Variants in CPT1A observed in about 807,000 individuals in gnomAD.
CPT1A encodes the protein carnitine palmitoyltransferase 1A.
In CPT1A, 64 loss-of-function variants were observed where a neutral mutation model predicts 100.8. That is an observed-to-expected ratio of 0.63 (90% CI 0.52 to 0.78). The LOEUF (loss-of-function observed/expected upper bound fraction) is 0.78. Ranked by LOEUF, CPT1A falls within the 30% of genes least tolerant of loss-of-function variation. CPT1A has a pLI of 0.00. For synonymous variants in CPT1A, 363 were observed against 396.0 expected, an observed-to-expected ratio of 0.92 and a Z score of 0.99; for missense variants, 802 against 1,034.1, an observed-to-expected ratio of 0.78 and a Z score of 3.08.
chr11:68,843,635 A>G (rs1463223752), upstream of CPT1A, among the ~76,000 whole-genome samples: 1 of 152,110 alleles, frequency 6.6e-6, no homozygotes, highest in African/African-American at 2.4e-5. The surrounding 1 kb of genome is among the most constrained non-coding windows in gnomAD (Gnocchi z 4.0). Flanking sequence ...AGAATCTCTC[A>G]TCTCTCCTTT....
chr11:68,760,878 A>G (rs1210772579), intron 16 of CPT1A, among the ~76,000 whole-genome samples: 1 of 151,792 alleles, frequency 6.6e-6, no homozygotes, highest in African/African-American at 2.4e-5. Context: ...AAAATTAGCC[A>G]GGCATGGCAG....
At chr11:68,780,148 A>G (rs1855265435) in intron 12 of CPT1A, among the ~76,000 whole-genome samples, 2 of 152,194 alleles carry the variant, frequency 1.3e-5, no homozygotes, top group Non-Finnish European at 2.9e-5. Flanking sequence ...GACCTAAGTT[A>G]TGGGAAAGGA....
At chr11:68,830,045 G>A (rs1039639099) in intron 1 of CPT1A, among the ~76,000 whole-genome samples, 1 of 152,168 alleles carries the variant, frequency 6.6e-6, no homozygotes, top group Admixed American at 6.5e-5. Flanking sequence ...GGGAGGGCAA[G>A]ATGGGAAGAT....
rs1946778016 is a variant in CPT1A at position 68,760,229 on chromosome 11, C to A, written c.2138G>T (p.Gly713Val). ...GCCCAGCCCCGCCGCACTCACCGGT[C>A]CAAAGCCCCCTCCGCTGGACACGTA... is the stretch of plus-strand genomic sequence containing the variant. ...PEYVSSGGGF[G>V]PVADDGYGVS... is the part of the protein sequence containing the mutation. The change falls in exon 17 of 19, where the codon GGA becomes GTA. Residue 713 changes from glycine (G) to valine (V), a missense_variant. Gly to Val is a moderately radical substitution (Grantham distance 109). Around this residue, in one of 4 missense-constraint regions of CPT1A, gnomAD observed 627 missense variants for 799.3 expected, o/e 0.78. Transcript: ENST00000265641. 2 of 1,607,798 alleles carry A rather than the reference C, an allele frequency of 1.2e-6. No homozygotes were observed. Among genetic ancestry groups the A allele is most frequent in the Non-Finnish European group, 1.7e-6 (2 of 1,177,490 alleles).
chr11:68,816,755 C>CGTGTGTGTGTGT lies in CPT1A; in HGVS notation c.-13-1280_-13-1269dup, dbSNP rs5792452. Among the ~76,000 whole-genome samples, 96 of 145,214 alleles carry CGTGTGTGTGTGT rather than the reference C, an allele frequency of 6.6e-4. 1 individual carries two copies. The highest frequency in any genetic ancestry group is 2.3e-3 in the African/African-American group (92 of 39,826). ...GGACCATAATAAAAATCCAAAAACT[C>CGTGTGTGTGTGT]GTGTGTGTGTGTGTGTGTGTGTGTG... On this transcript the variant is annotated intron_variant, in intron 1 of 18. Coordinates refer to ENST00000265641, the MANE Select transcript of CPT1A (RefSeq NM_001876.4).
chr11:68,838,697 C>T (rs1201720621), intron 1 of CPT1A, among the ~76,000 whole-genome samples: 1 of 152,086 alleles, frequency 6.6e-6, no homozygotes, highest in African/African-American at 2.4e-5. Context: ...CCTCAGCCTC[C>T]TGAGTAGCTG....
At chr11:68,771,147 A>T (rs575726887) in intron 14 of CPT1A, among the ~76,000 whole-genome samples, 2 of 152,362 alleles carry the variant, frequency 1.3e-5, no homozygotes, top group Admixed American at 1.3e-4. Context: ...TGGAGTCACA[A>T]GGGTGGCTCC....
intron 12 of CPT1A, among the ~76,000 whole-genome samples, chr11:68,779,309 A>T (rs2153997592): frequency 6.6e-6 from 1 of 152,200 alleles, no homozygotes; most frequent in Admixed American, 6.5e-5. Flanking sequence ...TAAAAGAAAA[A>T]GATCTCAAGT....
At chr11:68,826,448 A>T (rs1283064776) in intron 1 of CPT1A, among the ~76,000 whole-genome samples, 2 of 147,564 alleles carry the variant, frequency 1.4e-5, no homozygotes, top group Non-Finnish European at 3.0e-5. Context: ...TCTCAAAAAA[A>T]AAAAGGTCAG....
rs1203527994 is a variant in CPT1A at position 68,834,539 on chromosome 11, C to T, written c.-14+7236G>A. 3.3e-5 allele frequency among the ~76,000 whole-genome samples: 5 copies of T among 152,116 alleles called. No homozygotes were observed. In the South Asian group the frequency reaches 8.3e-4, roughly 25 times the overall value. On this transcript the variant is annotated intron_variant, in intron 1 of 18. Transcript: ENST00000265641. ...GGCGAAGGCAGGAAGTTCGCTTGAG[C>T]CCAGGTATTTGAGACCAATCTGGGC...
chr11:68,760,004 GCA>G (rs1946772614), intron 17 of CPT1A, among the ~76,000 whole-genome samples: 1 of 152,152 alleles, frequency 6.6e-6, no homozygotes, highest in Admixed American at 6.5e-5. Context: ...CATGCTTACT[GCA>G]CTCCAGCCTG....
At chr11:68,840,560 C>T (rs528946464) in intron 1 of CPT1A, among the ~76,000 whole-genome samples, 2 of 152,212 alleles carry the variant, frequency 1.3e-5, no homozygotes, top group African/African-American at 4.8e-5. Context: ...CGAGAGGAAC[C>T]GAAAGCCTGT....
upstream of CPT1A, among the ~76,000 whole-genome samples, chr11:68,842,675 G>A (rs7131462): frequency 0.4 from 60,828 of 152,068 alleles, 14,663 homozygotes; most frequent in Admixed American, 0.59. Flanking sequence ...AGGAGTAGCT[G>A]GAGGCCAGGG....
chr11:68,817,914 C>T (rs1856478306), intron 1 of CPT1A, among the ~76,000 whole-genome samples: 1 of 151,952 alleles, frequency 6.6e-6, no homozygotes, highest in African/African-American at 2.4e-5. Flanking sequence ...GACAGGGTGT[C>T]TGGGTTCAAG....
intron 5 of CPT1A, 33 bp from the exon 6 acceptor site, chr11:68,799,388 A>G: frequency 6.2e-7 from 1 of 1,610,314 alleles, no homozygotes; most frequent in Non-Finnish European, 8.5e-7. Context: ...AAATCACCCA[A>G]GTTAAAACAT....
chr11:68,815,421 C>T lies in CPT1A; in HGVS notation c.54G>A (p.Gly18=). Residue 18 remains glycine (G), a synonymous_variant, in exon 2 of 19, where the codon GGG becomes GGA. Coordinates refer to ENST00000265641, the MANE Select transcript of CPT1A (RefSeq NM_001876.4). ...VAFQFTVTPD[G]IDLRLSHEAL... Reference sequence around the variant, plus strand: ...CTTCATGGCTCAGCCGCAGGTCAATCCCGTCCGGAGTGACCGTGAACTGAA... The same window carrying T: ...CTTCATGGCTCAGCCGCAGGTCAATTCCGTCCGGAGTGACCGTGAACTGAA... 1 of 1,614,136 alleles carries T rather than the reference C, an allele frequency of 6.2e-7. No homozygotes were observed. Among genetic ancestry groups the T allele is most frequent in the African/African-American group, 1.3e-5 (1 of 75,042 alleles).
intron 1 of CPT1A, among the ~76,000 whole-genome samples, chr11:68,833,414 G>A (rs569928532): frequency 6.6e-6 from 1 of 152,370 alleles, no homozygotes; most frequent in South Asian, 2.1e-4. Flanking sequence ...ATCTGTAATG[G>A]TGCCCTTGTA....
In CPT1A at chr11:68,754,978, C is replaced by T. The variant is rs184796065; in HGVS notation, c.*2666G>A. 1,027 of 672,036 alleles carry T rather than the reference C, an allele frequency of 1.5e-3. 9 individuals are homozygous for T. The highest frequency in any genetic ancestry group is 1.1e-4 in the Non-Finnish European group (38 of 358,756). 41.6% of individuals were successfully genotyped at this position (672,036 alleles called of 1,614,324 possible). On this transcript the variant is annotated 3_prime_UTR_variant, in exon 19 of 19. Coordinates refer to ENST00000265641, the MANE Select transcript of CPT1A (RefSeq NM_001876.4). Reference sequence around the variant, plus strand: ...CCAAAGAGCATACTGTATTTACATGCACCGGTCAGCCCAAGATAACAAATT... The same window carrying T: ...CCAAAGAGCATACTGTATTTACATGTACCGGTCAGCCCAAGATAACAAATT...
chr11:68,754,815 C>G, downstream of CPT1A: 1 of 781,026 alleles, frequency 1.3e-6, no homozygotes, highest in Non-Finnish European at 2.4e-6. Flanking sequence ...TCCACTTTGT[C>G]TCAAGTATCT....
Sources: gnomAD v4.1 joint callset for allele counts (sites outside exome capture counted in the v4.1 genomes callset) on GRCh38, gnomAD v4.1.1 for gene constraint, gnomAD v4.1.1 regional missense constraint, Gnocchi (gnomAD v3.1) non-coding constraint, MANE v1.5 for transcripts, NCBI Gene and HGNC (gene_info 2026-07-23, HGNC 2026-07-21) for gene names.